RALGAPA1: variants seen among roughly 807,000 people sequenced by gnomAD.
RALGAPA1 encodes ral GTPase-activating protein subunit alpha-1.
RALGAPA1 carries 52 observed loss-of-function variants against 269.6 expected under a neutral mutation model. The observed-to-expected ratio is 0.19, with a 90% CI of 0.15 to 0.24. RALGAPA1 has a LOEUF of 0.24. RALGAPA1 is among the 10% of genes least tolerant of loss of function. RALGAPA1 has a pLI of 1.00. For missense variants in RALGAPA1, 1,917 were observed against 3,013.9 expected (o/e 0.64, Z 8.52); for synonymous variants, 817 against 1,008.3 (o/e 0.81, Z 3.60).
At chr14:35,648,478 A>G (rs2062603397) in intron 31 of RALGAPA1, among the ~76,000 whole-genome samples, 1 of 142,928 alleles carries the variant, frequency 7.0e-6, no homozygotes, top group South Asian at 2.2e-4. Flanking sequence ...AAAAAAAAAA[A>G]AGAAGAAGAA....
chr14:35,787,938 T>A (rs1432982159), intron 1 of RALGAPA1, among the ~76,000 whole-genome samples: 2 of 151,796 alleles, frequency 1.3e-5, no homozygotes, highest in African/African-American at 4.8e-5. Context: ...CTAAACCACA[T>A]CAAGATCATT....
intron 37 of RALGAPA1, among the ~76,000 whole-genome samples, chr14:35,582,253 G>T (rs1452909284): frequency 1.3e-5 from 2 of 152,152 alleles, no homozygotes; most frequent in African/African-American, 4.8e-5. Context: ...TGGGTACAAA[G>T]TTGCTGTTTG....
chr14:35,680,348 C>T (rs931761488), intron 21 of RALGAPA1, among the ~76,000 whole-genome samples: 4 of 151,996 alleles, frequency 2.6e-5, no homozygotes, highest in African/African-American at 9.7e-5. Context: ...GCTGGGATTA[C>T]AGGTGTCCAC....
chr14:35,570,175 C>T (rs924410251), intron 39 of RALGAPA1, among the ~76,000 whole-genome samples: 1 of 150,232 alleles, frequency 6.7e-6, no homozygotes, highest in African/African-American at 2.5e-5. Context: ...GAAGCTGAGG[C>T]AGAAGAATTG....
rs2054015080 is a variant in RALGAPA1, at chr14:35,541,685, C to T, written c.*24-1995G>A. 3 of 456,006 alleles carry T rather than the reference C, an allele frequency of 6.6e-6. No individual in the cohort carries two copies. In the Admixed American group the frequency reaches 7.1e-5, roughly 11 times the overall value. The allele number at this position is 456,006 out of a possible 1,614,324, so 28.2% of individuals were successfully genotyped here. On this transcript the variant is annotated intron_variant, in intron 41 of 41. Coordinates refer to ENST00000680220, the MANE Select transcript of RALGAPA1 (RefSeq NM_001346249.2). Reference sequence around the variant, plus strand: ...AAGAGCAGTAGTAGCTCATGCTTTTCTGGTAATGCATATCATTCCCGGCCA... The same window carrying T: ...AAGAGCAGTAGTAGCTCATGCTTTTTTGGTAATGCATATCATTCCCGGCCA...
chr14:35,658,435 A>G (rs1184949859), intron 28 of RALGAPA1, among the ~76,000 whole-genome samples: 1 of 152,174 alleles, frequency 6.6e-6, no homozygotes, highest in Non-Finnish European at 1.5e-5. Flanking sequence ...AGCTTTGCAG[A>G]GATGTAGATC....
At chr14:35,565,985 T>A (rs1219302760) in intron 39 of RALGAPA1, among the ~76,000 whole-genome samples, 5 of 152,130 alleles carry the variant, frequency 3.3e-5, no homozygotes, top group Non-Finnish European at 7.4e-5. Context: ...AATAGGTAAC[T>A]AATAAACGAT....
intron 1 of RALGAPA1, among the ~76,000 whole-genome samples, chr14:35,776,597 G>A (rs1032291759): frequency 2.0e-5 from 3 of 152,128 alleles, no homozygotes; most frequent in African/African-American, 7.2e-5. Context: ...AAAGTGAGAT[G>A]TCAAAGTATA....
At chr14:35,589,663 C>T (rs1323600417) in intron 37 of RALGAPA1, among the ~76,000 whole-genome samples, 1 of 151,564 alleles carries the variant, frequency 6.6e-6, no homozygotes, top group Non-Finnish European at 1.5e-5. Flanking sequence ...AAAATTATGC[C>T]CATGGAGCCC....
chr14:35,779,783 A>T (rs776013007), intron 1 of RALGAPA1, among the ~76,000 whole-genome samples: 1 of 152,208 alleles, frequency 6.6e-6, no homozygotes, highest in Non-Finnish European at 1.5e-5. Context: ...CCCATAAGGC[A>T]TGCTAACAAA....
chr14:35,543,419 A>G (rs2054186441), intron 41 of RALGAPA1, among the ~76,000 whole-genome samples: 1 of 152,224 alleles, frequency 6.6e-6, no homozygotes, highest in Non-Finnish European at 1.5e-5. Context: ...CCTATACAAA[A>G]TATTATTGTT....
At chr14:35,707,500 G>A (rs1175098981) in intron 16 of RALGAPA1, 1 of 152,112 alleles carries the variant, frequency 6.6e-6, no homozygotes, top group Non-Finnish European at 1.5e-5. Context: ...TTTGCTGAGA[G>A]TTTTTATCCT....
Position 35,716,687 on chromosome 14 carries a change from G to A in RALGAPA1, c.2266+5001C>T, listed in dbSNP as rs113802665. Among the ~76,000 whole-genome samples the A allele has an allele frequency of 3.7e-4, 57 of 152,108 alleles. No homozygotes were observed. In the East Asian group the frequency reaches 5.6e-3, roughly 15 times the overall value. On this transcript the variant is annotated intron_variant, in intron 16 of 41. Coordinates refer to ENST00000680220, the MANE Select transcript of RALGAPA1 (RefSeq NM_001346249.2). ...CCATGGGAGTTCATATATTGCATTT[G>A]GTTATTGTCTCTTGAGCCTAAAACA...
Position 35,808,949 on chromosome 14 carries a change from C to T in RALGAPA1, c.-114G>A. 6 of 1,476,862 alleles carry T rather than the reference C, an allele frequency of 4.1e-6. No homozygotes were observed. Among genetic ancestry groups the T allele is most frequent in the South Asian group, 1.3e-5 (1 of 74,194 alleles). 91.5% of individuals were successfully genotyped at this position (1,476,862 alleles called of 1,614,324 possible). On this transcript the variant is annotated 5_prime_UTR_variant, in exon 1 of 42. Transcript: ENST00000680220. ...GACTAGCCAGAGAGGCTCATTAGCT[C>T]CCCAGCCTTGCGGGCCAGGGCAGAG...
Position 35,750,706 on chromosome 14 carries a change from G to T in RALGAPA1, c.803-16C>A. The T allele has an allele frequency of 2.6e-6, 4 of 1,538,542 alleles. No homozygotes were observed. The highest frequency in any genetic ancestry group is 1.3e-5 in the South Asian group (1 of 79,404). ...TGCGGGATGTCTGTGCAAAATAAAA[G>T]GAAGATGAAAACCAAAATAAGAAAG... On this transcript the variant is annotated splice_polypyrimidine_tract_variant and intron_variant, in intron 8 of 41. Transcript: ENST00000680220.
intron 35 of RALGAPA1, among the ~76,000 whole-genome samples, chr14:35,607,723 G>T (rs2059683841): frequency 1.3e-5 from 2 of 152,194 alleles, no homozygotes; most frequent in African/African-American, 4.8e-5. Context: ...TAGCAGTTCT[G>T]CCTGAAAGGG....
At chr14:35,797,487 A>G (rs890062942) in intron 1 of RALGAPA1, among the ~76,000 whole-genome samples, 18 of 152,126 alleles carry the variant, frequency 1.2e-4, no homozygotes, top group African/African-American at 4.3e-4. Context: ...GTTAGAAGGA[A>G]TAAGTTCTGT....
At chr14:35,636,325 A>G (rs2061661791) in intron 31 of RALGAPA1, among the ~76,000 whole-genome samples, 1 of 152,214 alleles carries the variant, frequency 6.6e-6, no homozygotes, top group African/African-American at 2.4e-5. Context: ...TGAAACTGAC[A>G]ATGAAATAGC....
chr14:35,704,993 AT>A lies in RALGAPA1; in HGVS notation c.2267-4692del, dbSNP rs1193148626. On this transcript the variant is annotated intron_variant, in intron 16 of 41. Coordinates refer to ENST00000680220, the MANE Select transcript of RALGAPA1 (RefSeq NM_001346249.2). ...AATTATTTTCTATTCCAAAAAATAC[AT>A]TTTTTTAAATATACATTTTTCAAAA... Among the ~76,000 whole-genome samples the A allele has an allele frequency of 1.1e-4, 17 of 152,278 alleles. No homozygotes were observed. The South Asian group carries it at 2.3e-3, about 20-fold the overall frequency.
Sources: gnomAD v4.1 joint callset for allele counts (sites outside exome capture counted in the v4.1 genomes callset) on GRCh38, gnomAD v4.1.1 for gene constraint, MANE v1.5 for transcripts, NCBI Gene and HGNC (gene_info 2026-07-23, HGNC 2026-07-21) for gene names.